Variants in CACNA2D3 observed in about 807,000 individuals in gnomAD.
CACNA2D3 encodes calcium voltage-gated channel auxiliary subunit alpha2delta 3, also known as voltage-dependent calcium channel subunit alpha-2/delta-3.
CACNA2D3 carries 60 observed loss-of-function variants against 160.6 expected under a neutral mutation model. The ratio of observed to expected loss-of-function variants is 0.37; its 90% confidence interval spans 0.30 to 0.46. The LOEUF (loss-of-function observed/expected upper bound fraction) is 0.46, where lower values mean the gene tolerates loss of function less well. Among genes scored for constraint, CACNA2D3 ranks in the 20% least tolerant of loss-of-function variants. The probability of loss-of-function intolerance (pLI) is 1.00; values close to 1 mark genes in which losing one functional copy is unlikely to be tolerated. For missense variants in CACNA2D3, 1,205 were observed against 1,365.0 expected (o/e 0.88, Z 1.85); for synonymous variants, 558 against 492.9 (o/e 1.13, Z -1.75).
At chr3:54,143,898 A>C (rs1699979739) in intron 2 of CACNA2D3, among the ~76,000 whole-genome samples, 1 of 152,210 alleles carries the variant, frequency 6.6e-6, no homozygotes, top group South Asian at 2.1e-4. Context: ...AAATGAGATC[A>C]TATTGTATCA....
intron 2 of CACNA2D3, among the ~76,000 whole-genome samples, chr3:54,132,187 T>G (rs1486353476): frequency 6.6e-6 from 1 of 152,234 alleles, no homozygotes; most frequent in Non-Finnish European, 1.5e-5. Context: ...GTCATTTGAC[T>G]TCTGGAATGC....
chr3:54,812,862 G>A (rs1703354945), intron 13 of CACNA2D3, among the ~76,000 whole-genome samples: 1 of 152,164 alleles, frequency 6.6e-6, no homozygotes, highest in Non-Finnish European at 1.5e-5. Context: ...TGTAAACTGA[G>A]AAGATACTAA....
intron 27 of CACNA2D3, among the ~76,000 whole-genome samples, chr3:54,911,034 T>G (rs969326491): frequency 1.3e-5 from 2 of 152,132 alleles, no homozygotes; most frequent in African/African-American, 4.8e-5. Flanking sequence ...TCCTTCAATT[T>G]GCCAATCCAC....
intron 9 of CACNA2D3, among the ~76,000 whole-genome samples, chr3:54,591,270 A>G (rs1007684056): frequency 1.2e-4 from 19 of 152,190 alleles, no homozygotes; most frequent in African/African-American, 4.1e-4. Flanking sequence ...CCCTCTCCCC[A>G]GCTATCTCCT....
Position 54,899,807 on chromosome 3 carries a change from T to C in CACNA2D3, c.2388T>C (p.Asn796=). ...PFSTGPVNKS[N]VVTASTSIQL... ...TCACAGGACCAGTCAATAAAAGCAA[T>C]GTGGTGACAGCAAGTACATCCATCC... The change falls in exon 27 of 38, where the codon AAT becomes AAC. Residue 796 remains asparagine (N), a synonymous_variant. Coordinates refer to ENST00000474759, the MANE Select transcript of CACNA2D3 (RefSeq NM_018398.3). The C allele has an allele frequency of 6.2e-7, 1 of 1,609,310 alleles. No individual in the cohort carries two copies. The highest frequency in any genetic ancestry group is 1.1e-5 in the South Asian group (1 of 89,590).
intron 2 of CACNA2D3, among the ~76,000 whole-genome samples, chr3:54,249,779 ATG>A (rs1380686363): frequency 6.4e-4 from 88 of 136,670 alleles, no homozygotes; most frequent in African/African-American, 2.3e-3. Flanking sequence ...TTTTTTTTTT[ATG>A]TGAGTGGGAC....
chr3:54,481,374 G>A (rs1700929699), intron 4 of CACNA2D3, among the ~76,000 whole-genome samples: 1 of 152,198 alleles, frequency 6.6e-6, no homozygotes, highest in African/African-American at 2.4e-5. Context: ...TTAAGCAGAT[G>A]GTTAAGTTGT....
intron 11 of CACNA2D3, among the ~76,000 whole-genome samples, chr3:54,744,193 C>A (rs1010751846): frequency 6.6e-6 from 1 of 152,154 alleles, no homozygotes; most frequent in Non-Finnish European, 1.5e-5. Context: ...ACAAAACTGT[C>A]GCAGAATGGG....
intron 13 of CACNA2D3, among the ~76,000 whole-genome samples, chr3:54,808,487 T>C (rs1312076601): frequency 2.6e-5 from 4 of 151,584 alleles, no homozygotes; most frequent in African/African-American, 9.7e-5. Context: ...GGGAGAGGGG[T>C]GTAAATGAAA....
intron 9 of CACNA2D3, among the ~76,000 whole-genome samples, chr3:54,618,739 T>C (rs1698918126): frequency 6.6e-6 from 1 of 152,138 alleles, no homozygotes; most frequent in African/African-American, 2.4e-5. Context: ...AGCTTTGCAT[T>C]GAGTGCAAAG....
intron 35 of CACNA2D3, among the ~76,000 whole-genome samples, chr3:55,023,470 C>A (rs1362741577): frequency 1.3e-5 from 2 of 152,010 alleles, no homozygotes; most frequent in African/African-American, 4.8e-5. Context: ...CAGTCTTATT[C>A]TTCGGTTCTC....
chr3:54,367,883 C>T (rs937926196), intron 3 of CACNA2D3, among the ~76,000 whole-genome samples: 20 of 152,100 alleles, frequency 1.3e-4, no homozygotes, highest in African/African-American at 4.6e-4. Context: ...GCCTTGCCCA[C>T]CTTGAACTCT....
intron 27 of CACNA2D3, 53 bp downstream of exon 27, chr3:54,899,921 C>G: frequency 7.6e-7 from 1 of 1,311,578 alleles, no homozygotes. Context: ...GCCCATTCAT[C>G]CGGCCAGTGG....
chr3:54,777,820 C>G (rs1450176700), intron 13 of CACNA2D3, among the ~76,000 whole-genome samples: 1 of 152,210 alleles, frequency 6.6e-6, no homozygotes, highest in Non-Finnish European at 1.5e-5. Context: ...ACACTGTCCA[C>G]ACACCTTATA....
intron 5 of CACNA2D3, among the ~76,000 whole-genome samples, chr3:54,562,269 G>C (rs1339623520): frequency 6.6e-6 from 1 of 152,178 alleles, no homozygotes; most frequent in Non-Finnish European, 1.5e-5. Context: ...ACATTCTGCT[G>C]AACAGAAGAA....
intron 8 of CACNA2D3, among the ~76,000 whole-genome samples, chr3:54,573,779 C>G (rs1449760083): frequency 6.6e-6 from 1 of 152,242 alleles, no homozygotes; most frequent in Non-Finnish European, 1.5e-5. Context: ...AGATTCCTAG[C>G]TGGCTAATTT....
intron 5 of CACNA2D3, among the ~76,000 whole-genome samples, chr3:54,553,276 A>T (rs552888485): frequency 6.6e-6 from 1 of 152,356 alleles, no homozygotes; most frequent in Non-Finnish European, 1.5e-5. Flanking sequence ...TTCATTATTT[A>T]ATCTATGATC....
intron 18 of CACNA2D3, among the ~76,000 whole-genome samples, chr3:54,878,110 C>T (rs981242463): frequency 2.0e-5 from 3 of 152,072 alleles, no homozygotes; most frequent in Non-Finnish European, 4.4e-5. Context: ...AGCCTCGAAT[C>T]AAATTTAGGT....
chr3:54,851,499 C>T (rs1699057149), intron 17 of CACNA2D3, among the ~76,000 whole-genome samples: 1 of 152,166 alleles, frequency 6.6e-6, no homozygotes, highest in Non-Finnish European at 1.5e-5. Flanking sequence ...TTTAGGTGTA[C>T]TAAGTTCACT....
Sources: allele counts gnomAD v4.1 joint callset (sites outside exome capture counted in the v4.1 genomes callset), GRCh38; gene constraint gnomAD v4.1.1; transcripts MANE v1.5; gene names NCBI Gene and HGNC (gene_info 2026-07-23, HGNC 2026-07-21).